The following MOSPD1 variants were observed in gnomAD, a reference collection of about 807,000 sequenced individuals.
MOSPD1 encodes motile sperm domain containing 1.
Under a neutral mutation model 16.7 loss-of-function variants are expected in MOSPD1, and 5 were observed. The observed-to-expected ratio is 0.30, with a 90% confidence interval of 0.16 to 0.63. The LOEUF (loss-of-function observed/expected upper bound fraction) is 0.63, where lower values mean the gene tolerates loss of function less well. Ranked by LOEUF, MOSPD1 falls within the 30% of genes least tolerant of loss-of-function variation. MOSPD1 has a pLI of 0.82. For synonymous variants in MOSPD1, 67 were observed against 59.2 expected, an observed-to-expected ratio of 1.13 and a Z score of -0.61; for missense variants, 104 against 153.6, an observed-to-expected ratio of 0.68 and a Z score of 1.71.
intron 1 of MOSPD1, among the ~76,000 whole-genome samples, chrX:134,913,481 G>A (rs989999736): frequency 1.8e-5 from 2 of 111,867 alleles, no homozygotes; most frequent in South Asian, 3.7e-4. Flanking sequence ...TGACCTATTA[G>A]GGAATGGAAT....
At chrX:134,903,343 AAAAC>A (rs1168058833) in intron 1 of MOSPD1, among the ~76,000 whole-genome samples, 3 of 111,922 alleles carry the variant, frequency 2.7e-5, no homozygotes, top group Non-Finnish European at 3.8e-5. Flanking sequence ...AACAATGAGA[AAAAC>A]AAACAAAAAA....
chrX:134,904,067 T>A (rs1404564538), intron 1 of MOSPD1, among the ~76,000 whole-genome samples: 2 of 112,356 alleles, frequency 1.8e-5, no homozygotes, highest in Non-Finnish European at 3.8e-5. Context: ...AATGAAAAAC[T>A]GTTTCTGAAG....
intron 1 of MOSPD1, among the ~76,000 whole-genome samples, chrX:134,902,903 C>T (rs915676041): frequency 2.1e-4 from 23 of 108,378 alleles, no homozygotes; most frequent in Non-Finnish European, 4.0e-4. Flanking sequence ...AAAAGGCTTC[C>T]GATTAAATAA....
At chrX:134,900,848 G>A (rs1051030647) in intron 1 of MOSPD1, among the ~76,000 whole-genome samples, 1 of 110,225 alleles carries the variant, frequency 9.1e-6, no homozygotes, top group African/African-American at 3.3e-5. Context: ...GACTGCAGGC[G>A]TGCCCCCACA....
At chrX:134,914,214 AAGGTCAATTTTCACTT>A (rs1366975097) in intron 1 of MOSPD1, among the ~76,000 whole-genome samples, 1 of 111,950 alleles carries the variant, frequency 8.9e-6, no homozygotes, top group African/African-American at 3.2e-5. Context: ...ATCTCCCTCA[AAGGTCAATTTTCACTT>A]AGCATTTGTC....
chrX:134,898,988 C>A, intron 3 of MOSPD1, 102 bp downstream of exon 3: 2 of 700,901 alleles, frequency 2.9e-6, no homozygotes, highest in Non-Finnish European at 4.3e-6. Flanking sequence ...ATAATAAATG[C>A]CTATGTGAGA....
Position 134,891,407 on chromosome X carries a change from C to T in MOSPD1, c.610+72G>A, listed in dbSNP as rs181242165. The T allele has an allele frequency of 2.1e-4, 208 of 971,863 alleles. 1 individual carries two copies. In the African/African-American group the frequency reaches 3.8e-3, roughly 18 times the overall value. The allele number at this position is 971,863 out of a possible 1,213,427, so 80.1% of individuals were successfully genotyped here. A position where few individuals can be genotyped will look rare whatever the true frequency, so the allele number is the denominator to read the frequency against. On this transcript the variant is annotated intron_variant, in intron 5 of 5. Transcript: ENST00000370783. Reference sequence around the variant, plus strand: ...GTTCTTTGGGAAAAAAAAAAAAAATCAAACCACCACCACCCTACCACACAC... The same window carrying T: ...GTTCTTTGGGAAAAAAAAAAAAAATTAAACCACCACCACCCTACCACACAC...
In MOSPD1 at chrX:134,894,236, T is replaced by G. The variant is rs150537306; in HGVS notation, c.448+2581A>C. Among the ~76,000 whole-genome samples the G allele has an allele frequency of 6.0e-3, 670 of 112,122 alleles. 3 individuals carry two copies. The highest frequency in any genetic ancestry group is 0.02 in the African/African-American group (628 of 30,988). ...TTCTTATGTTATTGCTATATGTGTT[T>G]TATACAATAAACTTAAATTTTTTTC... is the stretch of plus-strand genomic sequence containing the variant. On this transcript the variant is annotated intron_variant, in intron 4 of 5. Transcript: ENST00000370783.
At chrX:134,900,078 C>A (rs2082905108) in intron 1 of MOSPD1, 1 of 112,204 alleles carries the variant, frequency 8.9e-6, no homozygotes, top group South Asian at 3.7e-4. Context: ...GGATTTTAAC[C>A]TATGATTAAT....
intron 5 of MOSPD1, 70 bp from the exon 6 acceptor site, chrX:134,889,262 G>T: frequency 1.2e-6 from 1 of 849,541 alleles, no homozygotes; most frequent in Non-Finnish European, 1.7e-6. Context: ...ATAAGCAATT[G>T]TTTGGACCTC....
At chrX:134,912,144 G>T in intron 1 of MOSPD1, among the ~76,000 whole-genome samples, 1 of 112,205 alleles carries the variant, frequency 8.9e-6, no homozygotes, top group African/African-American at 3.2e-5. Context: ...TCTGCTCCCA[G>T]ATTCGAGCGA....
chrX:134,890,488 G>C (rs1459743800), intron 5 of MOSPD1, among the ~76,000 whole-genome samples: 1 of 110,421 alleles, frequency 9.1e-6, no homozygotes, highest in Non-Finnish European at 1.9e-5. Flanking sequence ...AGAAGGGAGA[G>C]AGACAATCAA....
At chrX:134,890,776 C>T (rs1468980728) in intron 5 of MOSPD1, among the ~76,000 whole-genome samples, 1 of 110,948 alleles carries the variant, frequency 9.0e-6, no homozygotes, top group Non-Finnish European at 1.9e-5. Context: ...ACATTGCACT[C>T]CAGCCTGGGC....
intron 4 of MOSPD1, among the ~76,000 whole-genome samples, chrX:134,895,590 G>A (rs186218171): frequency 9.0e-6 from 1 of 111,081 alleles, no homozygotes; most frequent in East Asian, 2.8e-4. Flanking sequence ...GGCCTTCTTT[G>A]TACTAGAGGA....
intron 3 of MOSPD1, among the ~76,000 whole-genome samples, chrX:134,898,323 C>T (rs945090118): frequency 5.3e-5 from 6 of 112,347 alleles, no homozygotes; most frequent in Admixed American, 4.7e-4. Context: ...TTACTGTGTA[C>T]TGAATGAAAA....
At chrX:134,910,663 G>A (rs17317870) in intron 1 of MOSPD1, among the ~76,000 whole-genome samples, 6,713 of 112,057 alleles carry the variant, frequency 0.06, 212 homozygotes, top group Non-Finnish European at 0.093. Flanking sequence ...AGTAGAAGTG[G>A]AGGGCCGGGT....
intron 5 of MOSPD1, among the ~76,000 whole-genome samples, chrX:134,890,256 G>C (rs2082856011): frequency 1.8e-5 from 2 of 110,452 alleles, no homozygotes; most frequent in Non-Finnish European, 3.8e-5. Context: ...GAAGTAGCTA[G>C]ATAAAATTGG....
At position 134,899,150 on chromosome X, in the gene MOSPD1, G is replaced by T; in HGVS notation, c.170C>A (p.Pro57Gln). The T allele has an allele frequency of 8.3e-7, 1 of 1,203,772 alleles. No homozygotes were observed. The highest frequency in any genetic ancestry group is 1.1e-6 in the Non-Finnish European group (1 of 891,510). ...AGCATCAACGACAACATACTTATTT[G>T]GAGTAGTACACAAAACTGAAAGAAA... ...ALKFKVLCTT[P>Q]NKYVVVDAAG... The change falls in exon 3 of 6, where the codon CCA becomes CAA. Residue 57 changes from proline (P) to glutamine (Q), a missense_variant. Physicochemically the swap from Pro to Gln is moderately conservative, Grantham distance 76 (BLOSUM62 -1). Coordinates refer to ENST00000370783, the MANE Select transcript of MOSPD1 (RefSeq NM_019556.3).
At chrX:134,907,636 G>A (rs1361491634) in intron 1 of MOSPD1, among the ~76,000 whole-genome samples, 2 of 112,340 alleles carry the variant, frequency 1.8e-5, no homozygotes, top group Non-Finnish European at 3.8e-5. Context: ...AGGCCGATGC[G>A]GGCGGATCAC....
Sources: allele counts gnomAD v4.1 joint callset (sites outside exome capture counted in the v4.1 genomes callset), GRCh38; gene constraint gnomAD v4.1.1; transcripts MANE v1.5; gene names NCBI Gene and HGNC (gene_info 2026-07-23, HGNC 2026-07-21).